FLT1: variants seen among roughly 807,000 people sequenced by gnomAD.
FLT1 encodes vascular endothelial growth factor receptor 1.
In FLT1, 49 loss-of-function variants were observed where a neutral mutation model predicts 156.3. The ratio of observed to expected loss-of-function variants is 0.31; its 90% CI spans 0.25 to 0.40. FLT1 has a LOEUF of 0.40. Among genes scored for constraint, FLT1 ranks in the 10% least tolerant of loss-of-function variants. The pLI is 1.00. For missense variants in FLT1, 1,322 were observed against 1,637.2 expected (o/e 0.81, Z 3.32); for synonymous variants, 594 against 583.8 (o/e 1.02, Z -0.25).
chr13:28,376,401 T>C (rs1385463132), intron 14 of FLT1, among the ~76,000 whole-genome samples: 1 of 152,238 alleles, frequency 6.6e-6, no homozygotes, highest in Non-Finnish European at 1.5e-5. Context: ...TCTAAAAATG[T>C]TTTGCTATCA....
chr13:28,389,195 C>G (rs1298506042), intron 13 of FLT1: 1 of 1,091,364 alleles, frequency 9.2e-7, no homozygotes, highest in Non-Finnish European at 1.1e-6. Flanking sequence ...AACTTGCTAT[C>G]CAGGTGCTAT....
rs1439167843 is a variant in FLT1, at chr13:28,473,769, GGAAGGAAGGAAA to G, written c.65-6164_65-6153del. 5.6e-3 allele frequency among the ~76,000 whole-genome samples: 533 copies of G among 95,232 alleles called. 1 individual carries two copies. The highest frequency in any genetic ancestry group is 7.3e-3 in the African/African-American group (157 of 21,534). 62.5% of individuals were successfully genotyped at this position (95,232 alleles called of 152,430 possible). A position where few individuals can be genotyped will look rare whatever the true frequency, so the allele number is the denominator to read the frequency against. ...AGGAAGGAAGGAAGGAAGGAAGGAA[GGAAGGAAGGAAA>G]GAAAGAAAGAAAGAAAGAAAGAAAG... On this transcript the variant is annotated intron_variant, in intron 1 of 29. Coordinates refer to ENST00000282397, the MANE Select transcript of FLT1 (RefSeq NM_002019.4).
chr13:28,484,928 T>C (rs1881064376), intron 1 of FLT1, among the ~76,000 whole-genome samples: 1 of 111,782 alleles, frequency 8.9e-6, no homozygotes, highest in Non-Finnish European at 1.8e-5. Flanking sequence ...GTAACTCCTG[T>C]TGTGGTGTGG....
intron 4 of FLT1, among the ~76,000 whole-genome samples, chr13:28,434,604 C>G (rs975282884): frequency 6.6e-6 from 1 of 152,140 alleles, no homozygotes; most frequent in Non-Finnish European, 1.5e-5. Flanking sequence ...ATTAAGAGGC[C>G]GGGCGTGGTG....
At chr13:28,352,984 C>T (rs972117968) in intron 15 of FLT1, among the ~76,000 whole-genome samples, 1 of 152,070 alleles carries the variant, frequency 6.6e-6, no homozygotes, top group Non-Finnish European at 1.5e-5. Flanking sequence ...TCAGTTTTTT[C>T]TGTTATTGAC....
Position 28,301,472 on chromosome 13 carries a change from A to G in FLT1, c.*1695T>C, listed in dbSNP as rs1870513879. The G allele has an allele frequency of 8.6e-6, 2 of 232,990 alleles. No individual in the cohort carries two copies. Among genetic ancestry groups the G allele is most frequent in the Admixed American group, 1.1e-4 (2 of 17,776 alleles). 14.4% of individuals were successfully genotyped at this position (232,990 alleles called of 1,614,324 possible). On this transcript the variant is annotated 3_prime_UTR_variant, in exon 30 of 30. Coordinates refer to ENST00000282397, the MANE Select transcript of FLT1 (RefSeq NM_002019.4). ...TGATGACGGTCCCATCTCTTCATAC[A>G]GAGAGCCTTTAAACAAGGATGTGGC...
chr13:28,357,255 T>C (rs1280679237), intron 15 of FLT1, among the ~76,000 whole-genome samples: 1 of 152,092 alleles, frequency 6.6e-6, no homozygotes, highest in Admixed American at 6.6e-5. Context: ...GGCCACTCTC[T>C]GTGGCAGGGC....
chr13:28,461,193 G>T (rs1879557525), intron 3 of FLT1, among the ~76,000 whole-genome samples: 1 of 151,672 alleles, frequency 6.6e-6, no homozygotes, highest in Non-Finnish European at 1.5e-5. Context: ...GCCCATTAAT[G>T]AATTTGGAGG....
chr13:28,323,052 C>T, intron 20 of FLT1, 106 bp from the exon 21 acceptor site: 3 of 1,240,436 alleles, frequency 2.4e-6, no homozygotes, highest in South Asian at 2.4e-5. Context: ...GAGCGTTTCA[C>T]TTCTCAAAAT....
At chr13:28,431,982 A>G (rs946412857) in intron 6 of FLT1, among the ~76,000 whole-genome samples, 7 of 152,174 alleles carry the variant, frequency 4.6e-5, no homozygotes, top group Non-Finnish European at 8.8e-5. Context: ...TTTAACCAAG[A>G]CTTGGAAGGT....
At chr13:28,433,710 C>G (rs772267672) in intron 6 of FLT1, 109 bp downstream of exon 6, 37 of 1,038,740 alleles carry the variant, frequency 3.6e-5, no homozygotes, top group Non-Finnish European at 5.4e-5. Flanking sequence ...TTGACTAACA[C>G]TGCCACAGGA....
At position 28,306,770 on chromosome 13, in the gene FLT1, G is replaced by A. The variant is rs1477192335; in HGVS notation, c.3723C>T (p.Asp1241=). The part of the protein sequence containing the change: ...LLPNATSMFD[D]YQGDSSTLLA... ...ACAGAGTGCTGCTGTCGCCCTGGTA[G>A]TCCTAGGGGGAGAAGGAGAAAGGTT... Residue 1241 remains aspartate, a splice_region_variant and synonymous_variant, in exon 29 of 30, where the codon GAC becomes GAT. Transcript: ENST00000282397. 6.2e-7 allele frequency: 1 copy of A among 1,607,652 alleles called. No individual in the cohort carries two copies. Among genetic ancestry groups the A allele is most frequent in the Non-Finnish European group, 8.5e-7 (1 of 1,174,234 alleles).
chr13:28,333,234 C>T (rs750659967), intron 18 of FLT1, among the ~76,000 whole-genome samples: 10 of 152,210 alleles, frequency 6.6e-5, no homozygotes, highest in Non-Finnish European at 1.3e-4. Flanking sequence ...CAAAATTTCC[C>T]AGCAGTATCC....
chr13:28,475,542 G>A (rs1238674512), intron 1 of FLT1, among the ~76,000 whole-genome samples: 2 of 152,156 alleles, frequency 1.3e-5, no homozygotes, highest in African/African-American at 4.8e-5. Context: ...TCCTTAAGAT[G>A]TAGCTTATTA....
In FLT1 at chr13:28,322,800, C is replaced by A; in HGVS notation, c.2943G>T (p.Glu981Asp). 6.2e-7 allele frequency: 1 copy of A among 1,613,960 alleles called. No homozygotes were observed. Among genetic ancestry groups the A allele is most frequent in the Non-Finnish European group, 8.5e-7 (1 of 1,179,988 alleles). The change falls in exon 21 of 30, where the codon GAG (glutamate) becomes GAT (aspartate). Residue 981 changes from glutamate (E) to aspartate (D), a missense_variant. Physicochemically the swap from Glu to Asp is conservative, Grantham distance 45. Coordinates refer to ENST00000282397, the MANE Select transcript of FLT1 (RefSeq NM_002019.4). The surrounding 1 kb of genome is among the most constrained non-coding windows in gnomAD (Gnocchi z 4.3). ...GGAATTAATACCTACCCTCCTCTTCCTCAACATCACTCAGACTTTTATCTT... is the reference window on the plus strand; with the variant it reads ...GGAATTAATACCTACCCTCCTCTTCATCAACATCACTCAGACTTTTATCTT... ...FQEDKSLSDV[E>D]EEEDSDGFYK... is the part of the protein sequence containing the mutation.
chr13:28,327,414 G>T, intron 20 of FLT1, 48 bp downstream of exon 20: 1 of 1,135,488 alleles, frequency 8.8e-7, no homozygotes, highest in South Asian at 1.2e-5. Flanking sequence ...CAGACTAAAT[G>T]AAAACTCATT....
At chr13:28,361,095 A>G (rs1873097362) in intron 14 of FLT1, among the ~76,000 whole-genome samples, 1 of 152,100 alleles carries the variant, frequency 6.6e-6, no homozygotes, top group African/African-American at 2.4e-5. Context: ...CCTATCCAAT[A>G]TGGTGACACC....
At chr13:28,445,585 GA>G (rs1025821272) in intron 3 of FLT1, among the ~76,000 whole-genome samples, 1 of 152,066 alleles carries the variant, frequency 6.6e-6, no homozygotes, top group African/African-American at 2.4e-5. Context: ...TAAATGCCGG[GA>G]AAGACACAAA....
At chr13:28,412,257 A>T (rs1256776142) in intron 10 of FLT1, among the ~76,000 whole-genome samples, 1 of 152,166 alleles carries the variant, frequency 6.6e-6, no homozygotes, top group African/African-American at 2.4e-5. Flanking sequence ...CCATCAGATT[A>T]ACAGAATCTG....
Sources: gnomAD v4.1 joint callset for allele counts (sites outside exome capture counted in the v4.1 genomes callset) on GRCh38, gnomAD v4.1.1 for gene constraint, Gnocchi (gnomAD v3.1) non-coding constraint, MANE v1.5 for transcripts, NCBI Gene and HGNC (gene_info 2026-07-23, HGNC 2026-07-21) for gene names.